Variants in WDPCP observed in about 807,000 individuals in gnomAD.
The protein encoded by WDPCP is WD repeat containing planar cell polarity effector.
Under a neutral mutation model 93.1 loss-of-function variants are expected in WDPCP, and 71 were observed. The ratio of observed to expected loss-of-function variants is 0.76; its 90% CI spans 0.63 to 0.93. The LOEUF is 0.93. Ranked by LOEUF, WDPCP falls within the 40% of genes least tolerant of loss-of-function variation. The probability of loss-of-function intolerance (pLI) is 0.00; values close to 1 mark genes in which losing one functional copy is unlikely to be tolerated. For missense variants in WDPCP, 844 were observed against 887.4 expected, an observed-to-expected ratio of 0.95 and a Z score of 0.62; for synonymous variants, 315 against 315.0, an observed-to-expected ratio of 1.00 and a Z score of 0.00.
chr2:63,286,603 A>C (rs1048410224), intron 13 of WDPCP, among the ~76,000 whole-genome samples: 87 of 152,338 alleles, frequency 5.7e-4, no homozygotes, highest in African/African-American at 2.0e-3. Context: ...ACCCAGGTGA[A>C]ATAAACAGCC....
At chr2:63,618,496 G>T (rs1313336732) in intron 3 of WDPCP, among the ~76,000 whole-genome samples, 1 of 152,128 alleles carries the variant, frequency 6.6e-6, no homozygotes, top group African/African-American at 2.4e-5. Flanking sequence ...CTGCAATTGT[G>T]AAATGATCAG....
At chr2:63,430,650 G>T (rs936987411) in intron 9 of WDPCP, among the ~76,000 whole-genome samples, 1 of 152,170 alleles carries the variant, frequency 6.6e-6, no homozygotes, top group South Asian at 2.1e-4. Flanking sequence ...TTGGGAGGCC[G>T]AGGCGGGCAG....
intron 2 of WDPCP, among the ~76,000 whole-genome samples, chr2:63,706,314 A>G (rs1669151745): frequency 6.6e-6 from 1 of 152,112 alleles, no homozygotes; most frequent in African/African-American, 2.4e-5. Context: ...TAGTATTGTT[A>G]TGTGTGAATT....
At chr2:63,247,081 C>T (rs1423719044) in intron 14 of WDPCP, among the ~76,000 whole-genome samples, 6 of 152,156 alleles carry the variant, frequency 3.9e-5, no homozygotes, top group Admixed American at 3.9e-4. Flanking sequence ...GTTAATGAGG[C>T]AGATAACTCT....
At chr2:63,472,857 G>A (rs1293805639) in intron 6 of WDPCP, among the ~76,000 whole-genome samples, 1 of 152,188 alleles carries the variant, frequency 6.6e-6, no homozygotes, top group African/African-American at 2.4e-5. Flanking sequence ...GCCGTGCCCA[G>A]CCAATTATTC....
chr2:63,745,042 A>T (rs2103865040), intron 2 of WDPCP, among the ~76,000 whole-genome samples: 1 of 152,214 alleles, frequency 6.6e-6, no homozygotes, highest in Middle Eastern at 3.4e-3. Flanking sequence ...TATAAACAAT[A>T]TGTGAATTTA....
At chr2:63,257,095 C>A (rs1017366542) in intron 14 of WDPCP, among the ~76,000 whole-genome samples, 2 of 152,028 alleles carry the variant, frequency 1.3e-5, no homozygotes, top group African/African-American at 4.8e-5. Flanking sequence ...AAAAAATTAC[C>A]AAATTGTTCA....
chr2:63,346,867 A>G (rs1249340536), intron 12 of WDPCP, among the ~76,000 whole-genome samples: 1 of 152,208 alleles, frequency 6.6e-6, no homozygotes. Flanking sequence ...CCAGAGGATC[A>G]TAAGGTTGAC....
At chr2:63,588,575 GT>G (rs773700187), upstream of WDPCP, 27 of 542,206 alleles carry the variant, frequency 5.0e-5, no homozygotes, top group Non-Finnish European at 8.3e-5. Context: ...TACCTCCCAC[GT>G]TTACCCTCAT....
At chr2:63,385,841 T>C (rs12478736) in intron 10 of WDPCP, among the ~76,000 whole-genome samples, 12,947 of 151,972 alleles carry the variant, frequency 0.085, 783 homozygotes, top group Non-Finnish European at 0.13. Context: ...AGTACCTGAT[T>C]TCAAGACTTA....
chr2:63,347,838 A>G (rs937140544), intron 12 of WDPCP, among the ~76,000 whole-genome samples: 6 of 146,482 alleles, frequency 4.1e-5, no homozygotes, highest in African/African-American at 1.5e-4. Context: ...TTTGACTTAT[A>G]TGTTAGGGAC....
At chr2:63,769,776 C>G (rs1241599561) in intron 2 of WDPCP, among the ~76,000 whole-genome samples, 1 of 151,758 alleles carries the variant, frequency 6.6e-6, no homozygotes, top group African/African-American at 2.4e-5. Flanking sequence ...GTAGGTATAT[C>G]ATAATTCACA....
chr2:63,384,866 A>G (rs1331579445), intron 10 of WDPCP, among the ~76,000 whole-genome samples: 1 of 152,102 alleles, frequency 6.6e-6, no homozygotes, highest in East Asian at 1.9e-4. Flanking sequence ...TGAAGATATT[A>G]CAAGAAAATA....
At position 63,174,818 on chromosome 2, in the gene WDPCP, A is replaced by G. The variant is rs1673678722; in HGVS notation, c.1930T>C (p.Leu644=). 4 of 1,613,758 alleles carry G rather than the reference A, an allele frequency of 2.5e-6. No homozygotes were observed. The African/African-American group carries it at 4.0e-5, about 16-fold the overall frequency. ...TCATTTAGCATATCCCCTCTGTCCA[A>G]GGGTCCCAGGAGTTCTGTTGAAAAT... is the stretch of plus-strand genomic sequence containing the variant. The part of the protein sequence containing the change: ...ITSGVELLGP[L]DRGDMLNEAF... The change falls in exon 15 of 18, where the codon TTG becomes CTG. Residue 644 remains leucine, a synonymous_variant. Transcript: ENST00000272321.
chr2:63,473,186 G>GT lies in WDPCP; in HGVS notation c.384+11417dup, dbSNP rs1229181383. Among the ~76,000 whole-genome samples the GT allele has an allele frequency of 6.6e-5, 10 of 152,296 alleles. No individual in the cohort carries two copies. The East Asian group carries it at 1.9e-3, about 29-fold the overall frequency. ...TTTCAGAGAGAACTGTCAAACATCAGTATGTATACGTTTTACTCTGGGAAG... is the reference window on the plus strand; with the variant it reads ...TTTCAGAGAGAACTGTCAAACATCAGTTATGTATACGTTTTACTCTGGGAAG... On this transcript the variant is annotated intron_variant, in intron 6 of 17. Coordinates refer to ENST00000272321, the MANE Select transcript of WDPCP (RefSeq NM_015910.7).
chr2:63,461,786 T>G (rs1699028079), intron 6 of WDPCP, among the ~76,000 whole-genome samples: 1 of 152,230 alleles, frequency 6.6e-6, no homozygotes, highest in Non-Finnish European at 1.5e-5. Context: ...ATTAAAAGTC[T>G]TCTTCTCATC....
intron 6 of WDPCP, among the ~76,000 whole-genome samples, chr2:63,451,738 T>C (rs886755673): frequency 3.9e-5 from 6 of 152,178 alleles, no homozygotes; most frequent in Non-Finnish European, 4.4e-5. Context: ...TCAAAAACCT[T>C]ATCCACCATG....
intron 14 of WDPCP, among the ~76,000 whole-genome samples, chr2:63,246,675 T>C (rs1303285322): frequency 6.6e-6 from 1 of 152,178 alleles, no homozygotes; most frequent in Non-Finnish European, 1.5e-5. Context: ...ATCTCTGGCC[T>C]GTGATTACGT....
intron 2 of WDPCP, among the ~76,000 whole-genome samples, chr2:63,691,019 T>C (rs185500376): frequency 1.3e-5 from 2 of 152,050 alleles, no homozygotes; most frequent in East Asian, 1.9e-4. Flanking sequence ...TGGGGAGAAA[T>C]GAATGTACAT....
Sources: allele counts gnomAD v4.1 joint callset (sites outside exome capture counted in the v4.1 genomes callset), GRCh38; gene constraint gnomAD v4.1.1; transcripts MANE v1.5; gene names NCBI Gene and HGNC (gene_info 2026-07-23, HGNC 2026-07-21).